Variants in EDA observed in about 807,000 individuals in gnomAD.
EDA encodes the protein ectodysplasin-A.
A neutral mutation model predicts 23.6 loss-of-function variants in EDA; 2 were observed. That is an observed-to-expected ratio of 0.08 (90% CI 0.03 to 0.27). The LOEUF (loss-of-function observed/expected upper bound fraction) is 0.27, where lower values mean the gene tolerates loss of function less well. Ranked by LOEUF, EDA falls within the 10% of genes least tolerant of loss-of-function variation. EDA has a pLI of 1.00. For synonymous variants in EDA, 131 were observed against 132.0 expected (o/e 0.99, Z 0.05); for missense variants, 229 against 324.2 (o/e 0.71, Z 2.26).
At chrX:69,661,161 T>G (rs982106836) in intron 1 of EDA, among the ~76,000 whole-genome samples, 1 of 108,925 alleles carries the variant, frequency 9.2e-6, no homozygotes, top group Non-Finnish European at 1.9e-5. Flanking sequence ...GAAGTGTCTG[T>G]TCATATCCTT....
At chrX:69,833,631 T>C (rs1426953933) in intron 1 of EDA, among the ~76,000 whole-genome samples, 1 of 111,156 alleles carries the variant, frequency 9.0e-6, no homozygotes, top group Non-Finnish European at 1.9e-5. Context: ...CCAGCTCCTC[T>C]TTGTACCTCT....
At chrX:69,992,218 T>C (rs1186374917) in intron 2 of EDA, among the ~76,000 whole-genome samples, 1 of 112,105 alleles carries the variant, frequency 8.9e-6, no homozygotes, top group Non-Finnish European at 1.9e-5. Context: ...ATGTAGTTTC[T>C]CAAGTTGTGA....
At chrX:69,875,043 G>A (rs948424560) in intron 1 of EDA, among the ~76,000 whole-genome samples, 1 of 111,619 alleles carries the variant, frequency 9.0e-6, no homozygotes, top group African/African-American at 3.3e-5. Context: ...TTAATATTAC[G>A]AAAATAACCA....
intron 1 of EDA, among the ~76,000 whole-genome samples, chrX:69,668,015 A>C (rs1402698454): frequency 8.9e-6 from 1 of 112,332 alleles, no homozygotes; most frequent in African/African-American, 3.2e-5. Context: ...CCCACCTCCC[A>C]TCACTGTTGC....
intron 1 of EDA, among the ~76,000 whole-genome samples, chrX:69,905,848 C>T (rs191474418): frequency 8.5e-4 from 95 of 111,235 alleles, no homozygotes; most frequent in South Asian, 1.5e-3. Flanking sequence ...GGAGACTATC[C>T]TGTTTGCCTT....
chrX:69,858,664 T>G (rs1262053692), intron 1 of EDA, among the ~76,000 whole-genome samples: 1 of 112,160 alleles, frequency 8.9e-6, no homozygotes, highest in Non-Finnish European at 1.9e-5. Context: ...GCATCAATGT[T>G]CATCAAGGAT....
intron 1 of EDA, among the ~76,000 whole-genome samples, chrX:69,768,784 G>A (rs896351988): frequency 5.4e-5 from 6 of 111,503 alleles, no homozygotes; most frequent in African/African-American, 1.6e-4. Context: ...AATGTAGGAA[G>A]ATGGAGTCAT....
At chrX:69,912,689 C>G (rs780420034) in intron 1 of EDA, among the ~76,000 whole-genome samples, 2 of 110,328 alleles carry the variant, frequency 1.8e-5, no homozygotes, top group South Asian at 7.8e-4. Context: ...ATGCTGCAAG[C>G]AGATATGCTG....
chrX:69,698,800 G>A (rs1324961053), intron 1 of EDA, among the ~76,000 whole-genome samples: 3 of 111,093 alleles, frequency 2.7e-5, no homozygotes, highest in Non-Finnish European at 5.7e-5. Flanking sequence ...TCCCAAGGAT[G>A]TAGAGACGCC....
chrX:69,916,995 G>C (rs1458259704), intron 1 of EDA, among the ~76,000 whole-genome samples: 1 of 110,433 alleles, frequency 9.1e-6, no homozygotes, highest in Non-Finnish European at 1.9e-5. Context: ...GAGTATAATG[G>C]CACGTCTCAG....
chrX:69,900,447 TA>T (rs2147642441), intron 1 of EDA, among the ~76,000 whole-genome samples: 1 of 107,795 alleles, frequency 9.3e-6, no homozygotes, highest in East Asian at 2.9e-4. Context: ...TTTTAATACA[TA>T]TTTTATCATA....
chrX:70,004,561 T>A (rs2019777597), intron 2 of EDA, among the ~76,000 whole-genome samples: 1 of 112,257 alleles, frequency 8.9e-6, no homozygotes, highest in African/African-American at 3.2e-5. Flanking sequence ...ATTTGCACAT[T>A]TCCTCTGTTT....
At chrX:69,995,102 G>A (rs1214448605) in intron 2 of EDA, among the ~76,000 whole-genome samples, 13 of 111,977 alleles carry the variant, frequency 1.2e-4, no homozygotes, top group Non-Finnish European at 1.9e-5. Context: ...AAACTGCTGT[G>A]GAAATCATCT....
intron 1 of EDA, among the ~76,000 whole-genome samples, chrX:69,665,825 G>T (rs963819715): frequency 4.5e-5 from 5 of 111,194 alleles, no homozygotes; most frequent in African/African-American, 1.3e-4. Context: ...ACAAATTTTA[G>T]GATAGTTTTT....
chrX:69,753,908 T>TG (rs2013997667), intron 1 of EDA, among the ~76,000 whole-genome samples: 1 of 110,042 alleles, frequency 9.1e-6, no homozygotes, highest in Non-Finnish European at 1.9e-5. Context: ...CCTGCTTTTT[T>TG]TTTTCCATTT....
At chrX:69,831,306 GT>G (rs1254662940) in intron 1 of EDA, among the ~76,000 whole-genome samples, 1 of 111,967 alleles carries the variant, frequency 8.9e-6, no homozygotes, top group African/African-American at 3.2e-5. Flanking sequence ...AAGATGCGGT[GT>G]TTGGATTTCT....
intron 1 of EDA, among the ~76,000 whole-genome samples, chrX:69,662,519 C>T (rs1933546700): frequency 8.9e-6 from 1 of 112,323 alleles, no homozygotes; most frequent in African/African-American, 3.2e-5. Context: ...AACCTCTTTC[C>T]TTTATAAATT....
chrX:69,753,112 C>T (rs2013957661), intron 1 of EDA, among the ~76,000 whole-genome samples: 1 of 111,474 alleles, frequency 9.0e-6, no homozygotes, highest in Admixed American at 9.5e-5. Context: ...TTCTTGCCTT[C>T]TGCTAGCTTT....
intron 1 of EDA, among the ~76,000 whole-genome samples, chrX:69,736,305 CA>C (rs1057225283): frequency 9.3e-6 from 1 of 107,840 alleles, no homozygotes; most frequent in Non-Finnish European, 1.9e-5. Context: ...AACTCCGTCT[CA>C]AAAAAAAAGG....
Sources: gnomAD v4.1 joint callset for allele counts (sites outside exome capture counted in the v4.1 genomes callset) on GRCh38, gnomAD v4.1.1 for gene constraint, MANE v1.5 for transcripts, NCBI Gene and HGNC (gene_info 2026-07-23, HGNC 2026-07-21) for gene names.